The following PGAP4 variants were observed in gnomAD, a reference collection of about 807,000 sequenced individuals.
The protein encoded by PGAP4 is GPI-N-acetylgalactosamine transferase PGAP4.
In PGAP4, 12 loss-of-function variants were observed where a neutral mutation model predicts 28.2. The ratio of observed to expected loss-of-function variants is 0.42; its 90% CI spans 0.27 to 0.69. The LOEUF is 0.69. Among genes scored for constraint, PGAP4 ranks in the 30% least tolerant of loss-of-function variants. PGAP4 has a pLI of 0.22. For missense variants in PGAP4, 425 were observed against 513.5 expected (o/e 0.83, Z 1.67); for synonymous variants, 205 against 211.8 (o/e 0.97, Z 0.28).
upstream of PGAP4, among the ~76,000 whole-genome samples, chr9:101,487,927 G>C (rs1297324102): frequency 2.6e-5 from 4 of 152,166 alleles, no homozygotes; most frequent in Non-Finnish European, 5.9e-5. Context: ...AGTTGTGACA[G>C]AGACCTTATG....
At chr9:101,477,208 A>AG (rs1826350452) in intron 1 of PGAP4, 39 bp from the exon 2 acceptor site, 6 of 1,306,194 alleles carry the variant, frequency 4.6e-6, no homozygotes, top group Non-Finnish European at 6.0e-6. Flanking sequence ...AGAGTAACTT[A>AG]AAAAAACAAA....
At chr9:101,516,660 G>A (rs189077949) in intron 2 of PGAP4, among the ~76,000 whole-genome samples, 11 of 152,248 alleles carry the variant, frequency 7.2e-5, no homozygotes, top group African/African-American at 2.6e-4. Context: ...GGTTCATACT[G>A]TACCATCCTG....
chr9:101,490,537 A>C (rs1356445829), upstream of PGAP4, among the ~76,000 whole-genome samples: 1 of 152,188 alleles, frequency 6.6e-6, no homozygotes, highest in Non-Finnish European at 1.5e-5. Flanking sequence ...ATCTCTTGTT[A>C]CTGAGTTCCT....
Position 101,475,973 on chromosome 9 carries a change from C to T in PGAP4, c.1120G>A (p.Gly374Arg). ...GGCTCCACTACATAGGCCCTCTCTC[C>T]CTTGGCCCTCAACAGCGAGTACAGT... ...MALYSLLRAK[G>R]ERAYVVEPNL... The change falls in exon 2 of 2, where the codon GGA (glycine) becomes AGA (arginine). Residue 374 changes from glycine (G) to arginine (R), a missense_variant. Physicochemically the swap from Gly to Arg is moderately radical, Grantham distance 125. Coordinates refer to ENST00000374848, the MANE Select transcript of PGAP4 (RefSeq NM_032342.3). The T allele has an allele frequency of 6.2e-7, 1 of 1,614,222 alleles. No homozygotes were observed. Among genetic ancestry groups the T allele is most frequent in the Non-Finnish European group, 8.5e-7 (1 of 1,180,042 alleles).
intron 2 of PGAP4, among the ~76,000 whole-genome samples, chr9:101,527,189 A>G (rs2118638640): frequency 6.6e-6 from 1 of 152,366 alleles, no homozygotes; most frequent in Non-Finnish European, 1.5e-5. Flanking sequence ...ATAAGCGCTG[A>G]GATTCTGGAG....
chr9:101,504,069 C>A (rs111944081), intron 2 of PGAP4, among the ~76,000 whole-genome samples: 1,578 of 152,004 alleles, frequency 0.01, 28 homozygotes, highest in Middle Eastern at 0.034. Context: ...AGATTCACAG[C>A]AAACAATCAG....
chr9:101,476,800 G>T lies in PGAP4; in HGVS notation c.293C>A (p.Pro98His), dbSNP rs755411308. The change falls in exon 2 of 2, where the codon CCC becomes CAC. Residue 98 changes from proline (P) to histidine (H), a missense_variant. Pro to His is a moderately conservative substitution (Grantham distance 77, BLOSUM62 -2). Transcript: ENST00000374848. The surrounding 1 kb of genome is among the most constrained non-coding windows in gnomAD (Gnocchi z 7.0). ...GATGGTGATCACCAGCCAGGGCCGGGGGGTGGCCTGCCAGACAATGGGCAC... is the reference window on the plus strand; with the variant it reads ...GATGGTGATCACCAGCCAGGGCCGGTGGGTGGCCTGCCAGACAATGGGCAC... ...GSVPIVWQAT[P>H]RPWLVITIIT... 3.1e-6 allele frequency: 5 copies of T among 1,611,552 alleles called. No homozygotes were observed. Among genetic ancestry groups the T allele is most frequent in the Non-Finnish European group, 4.2e-6 (5 of 1,178,544 alleles).
chr9:101,532,592 G>C (rs1237251839), intron 1 of PGAP4: 2 of 152,306 alleles, frequency 1.3e-5, no homozygotes, highest in African/African-American at 2.4e-5. Context: ...TGAAAGGCTT[G>C]CTAAGAGTAG....
At chr9:101,522,329 T>G (rs1281044099) in intron 2 of PGAP4, among the ~76,000 whole-genome samples, 1 of 152,184 alleles carries the variant, frequency 6.6e-6, no homozygotes, top group Admixed American at 6.5e-5. Context: ...TCCCCTACTA[T>G]TATTATGTTG....
At chr9:101,529,044 T>A (rs554747481) in intron 2 of PGAP4, among the ~76,000 whole-genome samples, 1 of 152,098 alleles carries the variant, frequency 6.6e-6, no homozygotes, top group Non-Finnish European at 1.5e-5. Context: ...GTACGTGCGG[T>A]TGTCTGTTCC....
rs1307252829 is a variant in PGAP4 at position 101,486,064 on chromosome 9, G to C, written c.-78+885C>G. Reference sequence around the variant, plus strand: ...CCGGAGAGAGCCTGGGCCGAGCAGAGGATGCGGGTCACAACGACCCTGCAG... The same window carrying C: ...CCGGAGAGAGCCTGGGCCGAGCAGACGATGCGGGTCACAACGACCCTGCAG... On this transcript the variant is annotated intron_variant, in intron 1 of 1. Transcript: ENST00000374848. The surrounding 1 kb of genome is among the most constrained non-coding windows in gnomAD (Gnocchi z 4.7). 6.6e-6 allele frequency among the ~76,000 whole-genome samples: 1 copy of C among 152,216 alleles called. No homozygotes were observed. The highest frequency in any genetic ancestry group is 2.4e-5 in the African/African-American group (1 of 41,466).
intron 2 of PGAP4, among the ~76,000 whole-genome samples, chr9:101,496,748 AT>A (rs981502936): frequency 4.5e-4 from 68 of 150,996 alleles, no homozygotes; most frequent in African/African-American, 1.6e-3. Context: ...ACCATACAAA[AT>A]TTTTTTAATA....
chr9:101,495,213 T>A (rs370412612), intron 2 of PGAP4, among the ~76,000 whole-genome samples: 1 of 83,252 alleles, frequency 1.2e-5, no homozygotes, highest in African/African-American at 4.8e-5. Flanking sequence ...TCTTATATAT[T>A]TTATATATAT....
At chr9:101,529,960 C>T (rs973028466) in intron 2 of PGAP4, among the ~76,000 whole-genome samples, 1 of 152,136 alleles carries the variant, frequency 6.6e-6, no homozygotes, top group African/African-American at 2.4e-5. Flanking sequence ...TTCTGTTTAA[C>T]GAGTGATACC....
chr9:101,511,583 CCTTTGTTAGGCTCCTTACATTT>C (rs1478144411), intron 2 of PGAP4, among the ~76,000 whole-genome samples: 1 of 152,092 alleles, frequency 6.6e-6, no homozygotes, highest in Non-Finnish European at 1.5e-5. Context: ...CCTTAAGGGA[CCTTTGTTAGGCTCCTTACATTT>C]CTTTATCCAT....
At position 101,476,872 on chromosome 9, in the gene PGAP4, T is replaced by C. The variant is rs772047654; in HGVS notation, c.221A>G (p.Glu74Gly). 5.0e-6 allele frequency: 8 copies of C among 1,611,984 alleles called. No homozygotes were observed. The highest frequency in any genetic ancestry group is 6.8e-6 in the Non-Finnish European group (8 of 1,178,920). ...CTCCTCAAAATAGTGGAGGGCAGCC[T>C]CACCCTCTTTCAAGCTTTGCTGCAG... Reference protein sequence around the residue: ...EFLQQSLKEGEAALHYFEELP... With the variant: ...EFLQQSLKEGGAALHYFEELP... Residue 74 changes from glutamate (E) to glycine (G), a missense_variant, in exon 2 of 2, where the codon GAG becomes GGG. Coordinates refer to ENST00000374848, the MANE Select transcript of PGAP4 (RefSeq NM_032342.3). This position sits in a 1 kb window ranked among gnomAD's most constrained non-coding sequence, Gnocchi z 7.0.
chr9:101,477,238 A>C (rs796208221), intron 1 of PGAP4, 69 bp from the exon 2 acceptor site: 2 of 1,274,616 alleles, frequency 1.6e-6, no homozygotes, highest in Non-Finnish European at 2.1e-6. Context: ...AAACAAAAAA[A>C]CAAAAGGACA....
intron 2 of PGAP4, among the ~76,000 whole-genome samples, chr9:101,523,488 A>G (rs1419385991): frequency 6.7e-6 from 1 of 149,752 alleles, no homozygotes; most frequent in East Asian, 1.9e-4. Flanking sequence ...ACTTGGTTCA[A>G]TTCTATTGTT....
At chr9:101,507,603 T>A (rs1826858506) in intron 2 of PGAP4, among the ~76,000 whole-genome samples, 1 of 152,100 alleles carries the variant, frequency 6.6e-6, no homozygotes, top group South Asian at 2.1e-4. Context: ...CTTTGTAGGA[T>A]AATAAGGGCA....
Sources: allele counts gnomAD v4.1 joint callset (sites outside exome capture counted in the v4.1 genomes callset), GRCh38; gene constraint gnomAD v4.1.1; non-coding constraint Gnocchi (gnomAD v3.1); transcripts MANE v1.5; gene names NCBI Gene and HGNC (gene_info 2026-07-23, HGNC 2026-07-21).